The following WNK3 variants were observed in gnomAD, a reference collection of about 807,000 sequenced individuals.
WNK3 encodes serine/threonine-protein kinase WNK3.
A neutral mutation model predicts 116.7 loss-of-function variants in WNK3; 18 were observed. The ratio of observed to expected loss-of-function variants is 0.15; its 90% CI spans 0.11 to 0.23. The LOEUF (loss-of-function observed/expected upper bound fraction) is 0.23. Among genes scored for constraint, WNK3 ranks in the 10% least tolerant of loss-of-function variants. The pLI is 1.00. For synonymous variants in WNK3, 404 were observed against 469.4 expected, an observed-to-expected ratio of 0.86 and a Z score of 1.80; for missense variants, 993 against 1,323.8, an observed-to-expected ratio of 0.75 and a Z score of 3.88.
At chrX:54,270,306 C>G (rs1330346205) in intron 10 of WNK3, among the ~76,000 whole-genome samples, 2 of 109,586 alleles carry the variant, frequency 1.8e-5, no homozygotes, top group Non-Finnish European at 1.9e-5. Context: ...GGTTTCTCCA[C>G]GTTGGTCAGG....
intron 10 of WNK3, among the ~76,000 whole-genome samples, chrX:54,280,193 A>G (rs1431025824): frequency 9.1e-6 from 1 of 110,313 alleles, no homozygotes; most frequent in Non-Finnish European, 1.9e-5. Context: ...GCTACTCGGG[A>G]GGCTGAGAAA....
At chrX:54,343,137 C>T (rs1305616378) in intron 1 of WNK3, among the ~76,000 whole-genome samples, 3 of 110,177 alleles carry the variant, frequency 2.7e-5, no homozygotes, top group African/African-American at 9.9e-5. Context: ...AGGCATGAGT[C>T]ACCATGCCAG....
intron 10 of WNK3, among the ~76,000 whole-genome samples, chrX:54,275,412 CATATGTGTGTGTGT>C (rs1209638981): frequency 9.0e-5 from 4 of 44,435 alleles, no homozygotes; most frequent in African/African-American, 3.6e-4. Context: ...GGTATAAGTT[CATATGTGTGTGTGT>C]GTGTGTGTGT....
intron 3 of WNK3, among the ~76,000 whole-genome samples, chrX:54,310,442 T>C (rs1246872167): frequency 1.8e-5 from 2 of 109,508 alleles, no homozygotes; most frequent in Non-Finnish European, 3.8e-5. Flanking sequence ...AGCTACTCAG[T>C]AGGCTGAGGT....
At chrX:54,358,718 T>C (rs1179518510), upstream of WNK3, 1 of 112,715 alleles carries the variant, frequency 8.9e-6, no homozygotes, top group East Asian at 2.8e-4. Context: ...ATGAAACTGA[T>C]TTTTGACGGC....
intron 10 of WNK3, among the ~76,000 whole-genome samples, chrX:54,290,166 C>T (rs1771711786): frequency 9.0e-6 from 1 of 110,576 alleles, no homozygotes; most frequent in Non-Finnish European, 1.9e-5. Flanking sequence ...GTCCCAGCTA[C>T]TTGGGAGGCT....
chrX:54,356,538 T>C (rs1249335263), intron 1 of WNK3, among the ~76,000 whole-genome samples: 2 of 111,437 alleles, frequency 1.8e-5, no homozygotes, highest in African/African-American at 6.5e-5. Flanking sequence ...CTGTCGAGTT[T>C]AAACAATTTT....
chrX:54,269,624 A>G (rs2068356317), intron 10 of WNK3, among the ~76,000 whole-genome samples: 1 of 111,770 alleles, frequency 8.9e-6, no homozygotes, highest in Non-Finnish European at 1.9e-5. Context: ...AGGAAAGCTC[A>G]CAGCAGCTTT....
chrX:54,295,142 C>T (rs961354227), intron 7 of WNK3, among the ~76,000 whole-genome samples: 1 of 108,888 alleles, frequency 9.2e-6, no homozygotes, highest in Non-Finnish European at 1.9e-5. Flanking sequence ...CGTGATCCAC[C>T]GCCTCAGCCT....
At chrX:54,348,844 CTA>C (rs1557178095) in intron 1 of WNK3, among the ~76,000 whole-genome samples, 1 of 111,745 alleles carries the variant, frequency 8.9e-6, no homozygotes, top group East Asian at 2.8e-4. Flanking sequence ...AAAACAAGAC[CTA>C]CACATGTTAG....
At chrX:54,284,581 T>C (rs1557163493) in intron 10 of WNK3, among the ~76,000 whole-genome samples, 1 of 111,558 alleles carries the variant, frequency 9.0e-6, no homozygotes, top group African/African-American at 3.3e-5. Flanking sequence ...TTATTCACAA[T>C]AGCCCAAAAC....
chrX:54,222,814 TGCAGTCAGCAGA>T (rs1273969439), intron 22 of WNK3, among the ~76,000 whole-genome samples: 2 of 101,358 alleles, frequency 2.0e-5, no homozygotes, highest in Non-Finnish European at 2.0e-5. Flanking sequence ...AGGTGGAGGT[TGCAGTCAGCAGA>T]GATTGCACCA....
At chrX:54,198,815 ACCATTTT>A (rs2067474457) in intron 23 of WNK3, among the ~76,000 whole-genome samples, 162 bp from the exon 24 acceptor site, 1 of 110,543 alleles carries the variant, frequency 9.0e-6, no homozygotes, top group Non-Finnish European at 1.9e-5. Context: ...ATTAGGGACT[ACCATTTT>A]TGGAGCACCT....
intron 10 of WNK3, among the ~76,000 whole-genome samples, chrX:54,284,478 A>G (rs1557163475): frequency 9.0e-6 from 1 of 111,233 alleles, no homozygotes; most frequent in Non-Finnish European, 1.9e-5. Flanking sequence ...CACTTATTCT[A>G]TGACCCAGCA....
At chrX:54,267,510 G>T (rs1210464772) in intron 10 of WNK3, among the ~76,000 whole-genome samples, 1 of 111,446 alleles carries the variant, frequency 9.0e-6, no homozygotes, top group Non-Finnish European at 1.9e-5. Flanking sequence ...AGCTAACTGA[G>T]TGTGGTGGCT....
chrX:54,333,046 A>T, intron 2 of WNK3, 91 bp downstream of exon 2: 1 of 630,410 alleles, frequency 1.6e-6, no homozygotes, highest in Non-Finnish European at 2.4e-6. Flanking sequence ...ATTTTATTTT[A>T]ATCCATGATA....
chrX:54,209,024 A>G (rs782793109), intron 22 of WNK3, among the ~76,000 whole-genome samples: 34 of 111,501 alleles, frequency 3.0e-4, no homozygotes, highest in Non-Finnish European at 1.5e-4. Context: ...GGAGGAAAAC[A>G]TGTGTTCAGG....
intron 10 of WNK3, among the ~76,000 whole-genome samples, chrX:54,272,058 T>C (rs1164003968): frequency 2.5e-4 from 28 of 112,414 alleles, no homozygotes; most frequent in African/African-American, 9.0e-4. Context: ...TCCCTTCAAT[T>C]AGAATAAAGC....
chrX:54,238,289 C>G (rs2067985191), intron 19 of WNK3, 53 bp downstream of exon 19: 2 of 1,160,033 alleles, frequency 1.7e-6, no homozygotes, highest in Admixed American at 5.2e-5. Context: ...TCTCCACTGG[C>G]TGTTATATTT....
Sources: allele counts gnomAD v4.1 joint callset (sites outside exome capture counted in the v4.1 genomes callset), GRCh38; gene constraint gnomAD v4.1.1; transcripts MANE v1.5; gene names NCBI Gene and HGNC (gene_info 2026-07-23, HGNC 2026-07-21).